Variants in ZNF71 observed in about 807,000 individuals in gnomAD.
ZNF71 encodes zinc finger protein 71.
ZNF71 carries 3 observed loss-of-function variants against 6.7 expected under a neutral mutation model. The ratio of observed to expected loss-of-function variants is 0.45; its 90% confidence interval spans 0.20 to 1.16. ZNF71 has a LOEUF of 1.16. Among genes scored for constraint, ZNF71 ranks in the 50% most tolerant of loss-of-function variants. The pLI is 0.25. For missense variants in ZNF71, 688 were observed against 728.6 expected, an observed-to-expected ratio of 0.94 and a Z score of 0.64; for synonymous variants, 343 against 311.1, an observed-to-expected ratio of 1.10 and a Z score of -1.08.
At chr19:56,605,810 A>G (rs2044706515) in intron 2 of ZNF71, among the ~76,000 whole-genome samples, 1 of 152,198 alleles carries the variant, frequency 6.6e-6, no homozygotes, top group African/African-American at 2.4e-5. Flanking sequence ...TATTTATCCA[A>G]CTGTCTTCTT....
At position 56,621,301 on chromosome 19, in the gene ZNF71, A is replaced by G; in HGVS notation, c.194A>G (p.Asp65Gly). The G allele has an allele frequency of 6.6e-7, 1 of 1,521,150 alleles. No homozygotes were observed. The highest frequency in any genetic ancestry group is 1.4e-5 in the African/African-American group (1 of 71,848). The allele number at this position is 1,521,150 out of a possible 1,614,324, so 94.2% of individuals were successfully genotyped here. The part of the protein sequence containing the change: ...WETRPEMKEL[D>G]PKNDISEDKL... ...ACTAGACCTGAAATGAAAGAGTTGG[A>G]TCCAAAGAATGACATTTCGGAAGAC... Residue 65 changes from aspartate (D) to glycine (G), a missense_variant, in exon 4 of 4, where the codon GAT (aspartate) becomes GGT (glycine). Coordinates refer to ENST00000599599, the MANE Select transcript of ZNF71 (RefSeq NM_001370215.1).
chr19:56,616,675 C>A (rs2044793999), intron 3 of ZNF71, among the ~76,000 whole-genome samples: 1 of 152,144 alleles, frequency 6.6e-6, no homozygotes, highest in Non-Finnish European at 1.5e-5. Flanking sequence ...GAGGGAGTTC[C>A]TTGCAGGTCT....
At chr19:56,619,769 A>G (rs928241558) in intron 3 of ZNF71, among the ~76,000 whole-genome samples, 2 of 152,170 alleles carry the variant, frequency 1.3e-5, no homozygotes, top group Non-Finnish European at 2.9e-5. Flanking sequence ...CTGCTGCCCC[A>G]TGCAATGTCT....
At chr19:56,606,660 G>T (rs1156744778) in intron 2 of ZNF71, among the ~76,000 whole-genome samples, 1 of 152,010 alleles carries the variant, frequency 6.6e-6, no homozygotes, top group Admixed American at 6.5e-5. Context: ...CACCGCTGAG[G>T]CCTTGGTGGG....
chr19:56,618,629 G>A lies in ZNF71; in HGVS notation c.161-2639G>A, dbSNP rs956171363. On this transcript the variant is annotated intron_variant, in intron 3 of 3. Coordinates refer to ENST00000599599, the MANE Select transcript of ZNF71 (RefSeq NM_001370215.1). The surrounding 1 kb of genome is among the most constrained non-coding windows in gnomAD (Gnocchi z 4.6). ...GGGTGGATTGGGAAGGCTCCCGTGG[G>A]GTTGTGGGGAAACAGGCCTGAAGGA... Among the ~76,000 whole-genome samples the A allele has an allele frequency of 6.6e-6, 1 of 152,164 alleles. No individual in the cohort carries two copies. Among genetic ancestry groups the A allele is most frequent in the African/African-American group, 2.4e-5 (1 of 41,424 alleles).
At position 56,621,604 on chromosome 19, in the gene ZNF71, G is replaced by C. The variant is rs781068556; in HGVS notation, c.497G>C (p.Arg166Thr). The stretch of plus-strand genomic sequence containing the variant: ...GAAAAGGGGGCCTGTCCACCCGTAA[G>C]GCGTGGCAAGAACTTCTCCAGCACT... ...PTEKGACPPV[R>T]RGKNFSSTSD... The change falls in exon 4 of 4, where the codon AGG becomes ACG. Residue 166 changes from arginine (R) to threonine (T), a missense_variant. Transcript: ENST00000599599. 1 of 1,614,222 alleles carries C rather than the reference G, an allele frequency of 6.2e-7. No individual in the cohort carries two copies. Among genetic ancestry groups the C allele is most frequent in the Admixed American group, 1.7e-5 (1 of 60,038 alleles).
At position 56,618,888 on chromosome 19, in the gene ZNF71, G is replaced by A. The variant is rs964935677; in HGVS notation, c.161-2380G>A. Among the ~76,000 whole-genome samples the A allele has an allele frequency of 5.9e-5, 9 of 152,150 alleles. No individual in the cohort carries two copies. Among genetic ancestry groups the A allele is most frequent in the African/African-American group, 1.7e-4 (7 of 41,428 alleles). On this transcript the variant is annotated intron_variant, in intron 3 of 3. Transcript: ENST00000599599. This position sits in a 1 kb window ranked among gnomAD's most constrained non-coding sequence, Gnocchi z 4.6. ...GGTTGATCTGACTCCTCAGAAGACC[G>A]CACTCCCGGAGGAGTGGAGGACGCA... is the stretch of plus-strand genomic sequence containing the variant.
chr19:56,602,189 G>C (rs1352633086), intron 2 of ZNF71, among the ~76,000 whole-genome samples: 1 of 152,242 alleles, frequency 6.6e-6, no homozygotes, highest in East Asian at 1.9e-4. Context: ...CCATACCCTG[G>C]TTTACTTAAT....
chr19:56,606,987 C>CA (rs1413180824), intron 2 of ZNF71, among the ~76,000 whole-genome samples: 5 of 152,092 alleles, frequency 3.3e-5, no homozygotes, highest in Non-Finnish European at 7.4e-5. Flanking sequence ...CTATTGTCTA[C>CA]CAAAGCTGAC....
At chr19:56,621,218 C>T in intron 3 of ZNF71, 50 bp from the exon 4 acceptor site, 1 of 1,504,208 alleles carries the variant, frequency 6.6e-7, no homozygotes, top group South Asian at 1.4e-5. Context: ...TCCTCACTCC[C>T]AGCATCTTTA....
chr19:56,609,722 C>T (rs897011494), intron 2 of ZNF71, among the ~76,000 whole-genome samples: 1 of 149,918 alleles, frequency 6.7e-6, no homozygotes, highest in Admixed American at 6.6e-5. Flanking sequence ...ATAAATGAGG[C>T]ATACGATATG....
rs1410500862 is a variant in ZNF71, at chr19:56,620,581, G to T, written c.161-687G>T. On this transcript the variant is annotated intron_variant, in intron 3 of 3. Coordinates refer to ENST00000599599, the MANE Select transcript of ZNF71 (RefSeq NM_001370215.1). ...GGGTCTCACCCTGTCACCCATGCTGGAGTGCAGTGACGTGATCATAGCTCA... is the reference window on the plus strand; with the variant it reads ...GGGTCTCACCCTGTCACCCATGCTGTAGTGCAGTGACGTGATCATAGCTCA... Among the ~76,000 whole-genome samples, 5 of 151,526 alleles carry T rather than the reference G, an allele frequency of 3.3e-5. 1 individual carries two copies. In the East Asian group the frequency reaches 5.9e-4, roughly 18 times the overall value.
intron 1 of ZNF71, 99 bp from the exon 2 acceptor site, chr19:56,601,408 T>G: frequency 4.3e-6 from 1 of 230,018 alleles, no homozygotes; most frequent in Non-Finnish European, 6.6e-6. Context: ...TGTCTGTCTC[T>G]GCTTGTCTCT....
At chr19:56,608,276 T>TGGCCGGGCGCGGTGGCTCACGCCTG (rs2044724583) in intron 2 of ZNF71, among the ~76,000 whole-genome samples, 1 of 152,138 alleles carries the variant, frequency 6.6e-6, no homozygotes, top group African/African-American at 2.4e-5. Context: ...AAACAAACAC[T>TGGCCGGGCGCGGTGGCTCACGCCTG]TTCCATCCCC....
chr19:56,605,822 AT>A (rs2044706671), intron 2 of ZNF71, among the ~76,000 whole-genome samples: 1 of 152,230 alleles, frequency 6.6e-6, no homozygotes, highest in African/African-American at 2.4e-5. Context: ...TGTCTTCTTT[AT>A]AGGCAAAAGA....
intron 2 of ZNF71, among the ~76,000 whole-genome samples, chr19:56,608,102 CT>C (rs969072282): frequency 3.5e-4 from 54 of 152,166 alleles, no homozygotes; most frequent in African/African-American, 1.3e-3. Context: ...TTTTTTCCCC[CT>C]AAATTTCTTA....
chr19:56,601,531 C>A lies in ZNF71; in HGVS notation c.-28C>A. On this transcript the variant is annotated 5_prime_UTR_variant, in exon 2 of 4. Coordinates refer to ENST00000599599, the MANE Select transcript of ZNF71 (RefSeq NM_001370215.1). ...GCACTGTTGGTCACCGCAGGCCTGT[C>A]TTCCTATTCACCGTGGGCAGCAGAG... 1.0e-6 allele frequency: 1 copy of A among 985,888 alleles called. No homozygotes were observed. Among genetic ancestry groups the A allele is most frequent in the Admixed American group, 6.1e-5 (1 of 16,276 alleles). The allele number at this position is 985,888 out of a possible 1,614,324, so 61.1% of individuals were successfully genotyped here. A position where few individuals can be genotyped will look rare whatever the true frequency, so the allele number is the denominator to read the frequency against.
intron 2 of ZNF71, among the ~76,000 whole-genome samples, chr19:56,604,679 C>T (rs1040364220): frequency 2.0e-5 from 3 of 152,152 alleles, no homozygotes; most frequent in Non-Finnish European, 4.4e-5. Context: ...CCTGAGCCTA[C>T]ACTCTGAACC....
intron 2 of ZNF71, among the ~76,000 whole-genome samples, chr19:56,611,150 T>C (rs1229151554): frequency 6.6e-6 from 1 of 152,158 alleles, no homozygotes; most frequent in Non-Finnish European, 1.5e-5. Context: ...AAACGGCTAG[T>C]GCAAGTTCCC....
Sources: gnomAD v4.1 joint callset for allele counts (sites outside exome capture counted in the v4.1 genomes callset) on GRCh38, gnomAD v4.1.1 for gene constraint, Gnocchi (gnomAD v3.1) non-coding constraint, MANE v1.5 for transcripts, NCBI Gene and HGNC (gene_info 2026-07-23, HGNC 2026-07-21) for gene names.